USH2A: variants seen among roughly 807,000 people sequenced by gnomAD.
USH2A encodes the protein Usher syndrome 2A (autosomal recessive, mild).
A neutral mutation model predicts 538.9 loss-of-function variants in USH2A; 443 were observed. That is an observed-to-expected ratio of 0.82 (90% CI 0.76 to 0.89). USH2A has a LOEUF of 0.89. USH2A is among the 40% of genes least tolerant of loss of function. The pLI is 0.00. For missense variants in USH2A, 6,633 were observed against 6,324.8 expected (o/e 1.05, Z -1.65); for synonymous variants, 2,413 against 2,273.5 (o/e 1.06, Z -1.75).
chr1:215,827,253 A>G (rs1663181304), intron 47 of USH2A, among the ~76,000 whole-genome samples: 1 of 152,138 alleles, frequency 6.6e-6, no homozygotes, highest in African/African-American at 2.4e-5. Context: ...ACCAATAAAA[A>G]CAAAACAAAA....
At chr1:215,727,229 A>T (rs1659848135) in intron 61 of USH2A, among the ~76,000 whole-genome samples, 1 of 152,168 alleles carries the variant, frequency 6.6e-6, no homozygotes, top group Non-Finnish European at 1.5e-5. Context: ...ACATATATAC[A>T]AATACATATA....
At chr1:215,896,147 C>T (rs920450716) in intron 40 of USH2A, among the ~76,000 whole-genome samples, 1 of 152,098 alleles carries the variant, frequency 6.6e-6, no homozygotes, top group African/African-American at 2.4e-5. Flanking sequence ...ACAGAATAAA[C>T]TGTTCGAATT....
At chr1:215,866,782 C>A (rs1664480867) in intron 44 of USH2A, among the ~76,000 whole-genome samples, 1 of 152,050 alleles carries the variant, frequency 6.6e-6, no homozygotes, top group Admixed American at 6.5e-5. Flanking sequence ...ACAGGGGCCC[C>A]AGGGTTTTAG....
intron 63 of USH2A, among the ~76,000 whole-genome samples, chr1:215,673,715 A>G (rs1011176962): frequency 1.3e-5 from 2 of 152,190 alleles, no homozygotes; most frequent in African/African-American, 2.4e-5. Context: ...GGCACTTTTT[A>G]ACCTTAAAAT....
intron 20 of USH2A, among the ~76,000 whole-genome samples, chr1:216,187,923 C>A (rs1360690497): frequency 1.3e-5 from 2 of 151,948 alleles, no homozygotes; most frequent in Non-Finnish European, 2.9e-5. Context: ...GAAACCCTGG[C>A]ATTTTGGCTA....
At chr1:216,323,833 T>C (rs2037669143) in intron 7 of USH2A, 138 bp from the exon 8 acceptor site, 4 of 820,700 alleles carry the variant, frequency 4.9e-6, no homozygotes, top group Non-Finnish European at 7.8e-6. Flanking sequence ...ATTCCATATA[T>C]TTCATATATA....
rs192091645 is a variant in USH2A, at chr1:215,747,685, T to C, written c.11390-4350A>G. Among the ~76,000 whole-genome samples, 5 of 152,300 alleles carry C rather than the reference T, an allele frequency of 3.3e-5. No individual in the cohort carries two copies. The East Asian group carries it at 9.6e-4, about 29-fold the overall frequency. On this transcript the variant is annotated intron_variant, in intron 58 of 71. Transcript: ENST00000307340. ...AGATTGAAGAAGGAATCGGGGACCC[T>C]CTCAGTTTGCAATTTGACCTTCAGC...
chr1:216,008,168 G>A (rs888831626), intron 32 of USH2A, among the ~76,000 whole-genome samples: 1 of 152,142 alleles, frequency 6.6e-6, no homozygotes, highest in African/African-American at 2.4e-5. Flanking sequence ...CCCAAGCTAA[G>A]CCATCATATC....
rs192702884 is a variant in USH2A, at chr1:216,076,167, C to A, written c.5572+1922G>T. Among the ~76,000 whole-genome samples, 257 of 152,194 alleles carry A rather than the reference C, an allele frequency of 1.7e-3. 1 individual carries two copies. The highest frequency in any genetic ancestry group is 6.0e-3 in the African/African-American group (248 of 41,542). On this transcript the variant is annotated intron_variant, in intron 27 of 71. Transcript: ENST00000307340. ...CCCTAACATCTGTATTTTTAATAAC[C>A]ATTCCAGGTGATGTCAATGTATCTT...
intron 34 of USH2A, among the ~76,000 whole-genome samples, chr1:215,996,254 G>T (rs1323687772): frequency 6.6e-6 from 1 of 152,116 alleles, no homozygotes; most frequent in African/African-American, 2.4e-5. Flanking sequence ...AGGTCCACAG[G>T]GATTGGGGAT....
chr1:215,637,715 A>G (rs1656539167), intron 69 of USH2A, among the ~76,000 whole-genome samples: 1 of 152,206 alleles, frequency 6.6e-6, no homozygotes, highest in South Asian at 2.1e-4. Context: ...ACAAATTGAA[A>G]CTATCCTTGA....
intron 70 of USH2A, among the ~76,000 whole-genome samples, chr1:215,632,858 A>G (rs1349339631): frequency 1.3e-5 from 2 of 152,214 alleles, no homozygotes; most frequent in East Asian, 3.9e-4. Context: ...CCTAATGACT[A>G]TTCACTGAAC....
chr1:215,999,115 G>C (rs1056268385), intron 33 of USH2A, 57 bp from the exon 34 acceptor site: 2 of 1,445,672 alleles, frequency 1.4e-6, no homozygotes, highest in South Asian at 2.4e-5. Flanking sequence ...AAAATATACA[G>C]GATTTTCAAA....
rs1186335762 is a variant in USH2A at position 215,674,453 on chromosome 1, T to A, written c.13458A>T (p.Val4486=). ...GATAGCGTGTTTCCAAGCCTGTATA[T>A]ACAATGGTTCCATCCCTCCTAAGTT... ...SYELRRDGTI[V]YTGLETRYRD... The change falls in exon 63 of 72, where the codon GTA becomes GTT. Residue 4486 remains valine (V), a synonymous_variant. Transcript: ENST00000307340. 2 of 1,614,058 alleles carry A rather than the reference T, an allele frequency of 1.2e-6. No individual in the cohort carries two copies. Among genetic ancestry groups the A allele is most frequent in the African/African-American group, 2.7e-5 (2 of 74,940 alleles).
intron 23 of USH2A, among the ~76,000 whole-genome samples, chr1:216,087,883 T>C (rs1021753943): frequency 1.3e-5 from 2 of 152,170 alleles, no homozygotes; most frequent in Non-Finnish European, 2.9e-5. Context: ...TTAAAATTTA[T>C]TCTCAACAGA....
At chr1:216,374,310 A>G (rs1225230802) in intron 3 of USH2A, among the ~76,000 whole-genome samples, 3 of 152,054 alleles carry the variant, frequency 2.0e-5, no homozygotes, top group Non-Finnish European at 2.9e-5. Flanking sequence ...GAGTTCTTCA[A>G]TCTTTCCTTG....
Position 215,624,728 on chromosome 1 carries a change from G to A in USH2A, c.*1053C>T, listed in dbSNP as rs889698027. The A allele has an allele frequency of 2.0e-5, 3 of 152,014 alleles. No homozygotes were observed. Among genetic ancestry groups the A allele is most frequent in the African/African-American group, 7.2e-5 (3 of 41,394 alleles). The allele number at this position is 152,014 out of a possible 1,614,324, so 9.4% of individuals were successfully genotyped here. ...TACTGATTCTGTGGCTAAAATAATG[G>A]CTAGTTCTCCAAAAAGAAGGGATAT... On this transcript the variant is annotated 3_prime_UTR_variant, in exon 72 of 72. Coordinates refer to ENST00000307340, the MANE Select transcript of USH2A (RefSeq NM_206933.4).
At chr1:216,188,286 T>C (rs1299151653) in intron 20 of USH2A, among the ~76,000 whole-genome samples, 2 of 151,882 alleles carry the variant, frequency 1.3e-5, no homozygotes, top group African/African-American at 4.8e-5. Flanking sequence ...GTAGACATGT[T>C]TCCTGCTCTT....
chr1:215,816,422 T>C (rs1476230288), intron 48 of USH2A, among the ~76,000 whole-genome samples: 1 of 152,058 alleles, frequency 6.6e-6, no homozygotes, highest in Non-Finnish European at 1.5e-5. Context: ...ATAAATTTAG[T>C]AGTAGCTTTA....
Sources: gnomAD v4.1 joint callset for allele counts (sites outside exome capture counted in the v4.1 genomes callset) on GRCh38, gnomAD v4.1.1 for gene constraint, MANE v1.5 for transcripts, NCBI Gene and HGNC (gene_info 2026-07-23, HGNC 2026-07-21) for gene names.